Variants in IFIH1 observed in about 807,000 individuals in gnomAD.
IFIH1 encodes the protein interferon-induced helicase C domain-containing protein 1.
IFIH1 carries 125 observed loss-of-function variants against 107.4 expected under a neutral mutation model. The ratio of observed to expected loss-of-function variants is 1.16; its 90% CI spans 1.01 to 1.35. The LOEUF (loss-of-function observed/expected upper bound fraction) is 1.35. IFIH1 is among the 40% of genes most tolerant of loss of function. The probability of loss-of-function intolerance (pLI) is 0.00; values close to 1 mark genes in which losing one functional copy is unlikely to be tolerated. For synonymous variants in IFIH1, 458 were observed against 413.2 expected (o/e 1.11, Z -1.31); for missense variants, 1,333 against 1,213.7 (o/e 1.10, Z -1.46).
Position 162,276,768 on chromosome 2 carries a change from A to T in IFIH1, c.2223T>A (p.Asn741Lys), listed in dbSNP as rs373758432. 1.1e-5 allele frequency: 18 copies of T among 1,613,738 alleles called. No homozygotes were observed. Among genetic ancestry groups the T allele is most frequent in the Non-Finnish European group, 1.4e-5 (17 of 1,179,884 alleles). Reference sequence around the variant, plus strand: ...TGACTCCTACTTCAGCAAATTTTTCATTTTCAGTAATCCACTGGGAAAGCG... The same window carrying T: ...TGACTCCTACTTCAGCAAATTTTTCTTTTTCAGTAATCCACTGGGAAAGCG... ...AYALSQWITE[N>K]EKFAEVGVKA... The change falls in exon 11 of 16, where the codon AAT (asparagine) becomes AAA (lysine). Residue 741 changes from asparagine to lysine, a missense_variant. Coordinates refer to ENST00000649979, the MANE Select transcript of IFIH1 (RefSeq NM_022168.4).
chr2:162,296,204 G>A (rs1558871955), intron 3 of IFIH1, among the ~76,000 whole-genome samples: 1 of 152,008 alleles, frequency 6.6e-6, no homozygotes, highest in South Asian at 2.1e-4. Flanking sequence ...TCTAACATCC[G>A]TAAGTTTTGG....
At chr2:162,275,348 G>A (rs1223065474) in intron 11 of IFIH1, among the ~76,000 whole-genome samples, 2 of 152,114 alleles carry the variant, frequency 1.3e-5, no homozygotes, top group Non-Finnish European at 2.9e-5. Context: ...CAACGCTAAA[G>A]TTAATATAAT....
chr2:162,281,265 CA>C (rs1370690401), intron 7 of IFIH1, 62 bp downstream of exon 7: 2 of 1,285,994 alleles, frequency 1.6e-6, no homozygotes, highest in Non-Finnish European at 1.1e-6. Context: ...TTAATAAGAC[CA>C]AGAAGTCCTG....
At chr2:162,291,567 A>G (rs1249985056) in intron 4 of IFIH1, among the ~76,000 whole-genome samples, 1 of 151,770 alleles carries the variant, frequency 6.6e-6, no homozygotes, top group Non-Finnish European at 1.5e-5. Context: ...CATGTCTACT[A>G]TGGCATAACA....
In IFIH1 at chr2:162,273,547, C is replaced by T. The variant is rs13422273; in HGVS notation, c.2454+248G>A. 7.1e-3 allele frequency among the ~76,000 whole-genome samples: 1,087 copies of T among 152,138 alleles called. 6 individuals are homozygous for T. Among genetic ancestry groups the T allele is most frequent in the Admixed American group, 0.013 (191 of 15,264 alleles). On this transcript the variant is annotated intron_variant, in intron 12 of 15. Coordinates refer to ENST00000649979, the MANE Select transcript of IFIH1 (RefSeq NM_022168.4). ...GGCTAGTGTCATGGTCCTGGAAAGC[C>T]TTAGGGTACAGAAATAGCTAAAGAG...
Position 162,278,206 on chromosome 2 carries a change from T to A in IFIH1, c.1764A>T (p.Lys588Asn). 6.3e-7 allele frequency: 1 copy of A among 1,591,380 alleles called. No individual in the cohort carries two copies. The highest frequency in any genetic ancestry group is 8.6e-7 in the Non-Finnish European group (1 of 1,169,498). ...GTGTTAGGTCCAAACCTAAATTACCTTTTTTTTCCATTTGAATGGCCCATT... is the reference window on the plus strand; with the variant it reads ...GTGTTAGGTCCAAACCTAAATTACCATTTTTTTCCATTTGAATGGCCCATT... ...YEQWAIQMEK[K>N]AAKEGNRKER... The change falls in exon 9 of 16, where the codon AAA becomes AAT. Residue 588 changes from lysine (K) to asparagine (N), a missense_variant and splice_region_variant. Transcript: ENST00000649979.
At position 162,277,663 on chromosome 2, in the gene IFIH1, A is replaced by C. The variant is rs1055824554; in HGVS notation, c.1796T>G (p.Val599Gly). The part of the protein sequence containing the change: ...AAKEGNRKER[V>G]CAEHLRKYNE... ...GTACTTCCTCAAATGTTCTGCACAA[A>C]CACGTTCTTTGCGATTTCCTTCTTT... Residue 599 changes from valine to glycine, a missense_variant, in exon 10 of 16, where the codon GTT becomes GGT. Coordinates refer to ENST00000649979, the MANE Select transcript of IFIH1 (RefSeq NM_022168.4). The C allele has an allele frequency of 6.2e-7, 1 of 1,606,980 alleles. No homozygotes were observed. Among genetic ancestry groups the C allele is most frequent in the Admixed American group, 1.7e-5 (1 of 58,700 alleles).
At chr2:162,309,904 A>C (rs1683360822) in intron 2 of IFIH1, among the ~76,000 whole-genome samples, 1 of 152,146 alleles carries the variant, frequency 6.6e-6, no homozygotes. Flanking sequence ...GTTTTATCCC[A>C]TTTTATAACA....
intron 3 of IFIH1, 75 bp from the exon 4 acceptor site, chr2:162,293,743 A>G: frequency 1.2e-6 from 1 of 868,358 alleles, no homozygotes; most frequent in Non-Finnish European, 1.9e-6. Flanking sequence ...ACACCTCTAC[A>G]GCACACAGTA....
intron 1 of IFIH1, among the ~76,000 whole-genome samples, chr2:162,315,664 C>T (rs973572010): frequency 1.3e-5 from 2 of 152,136 alleles, no homozygotes; most frequent in South Asian, 2.1e-4. Flanking sequence ...CCCAAAGTAA[C>T]GCATATAGTA....
At chr2:162,307,809 A>G (rs996982205) in intron 2 of IFIH1, among the ~76,000 whole-genome samples, 5 of 152,212 alleles carry the variant, frequency 3.3e-5, no homozygotes, top group Non-Finnish European at 7.3e-5. Context: ...TATTAAGTAC[A>G]TTAGGGACTA....
At chr2:162,304,167 G>A (rs778942726) in intron 3 of IFIH1, among the ~76,000 whole-genome samples, 3 of 152,026 alleles carry the variant, frequency 2.0e-5, no homozygotes, top group East Asian at 1.9e-4. Flanking sequence ...AGGTGGAATC[G>A]CATTACATTA....
intron 5 of IFIH1, among the ~76,000 whole-genome samples, chr2:162,284,966 A>G (rs1293888925): frequency 6.6e-6 from 1 of 152,002 alleles, no homozygotes; most frequent in African/African-American, 2.4e-5. Context: ...GTACAGAACA[A>G]AAAGAAGTTG....
intron 1 of IFIH1, among the ~76,000 whole-genome samples, chr2:162,314,654 A>AT (rs1242212254): frequency 1.3e-5 from 2 of 151,108 alleles, no homozygotes; most frequent in Admixed American, 6.6e-5. Context: ...CACCCAGCTA[A>AT]TTTTTTTGTA....
chr2:162,302,095 G>A (rs1683203309), intron 3 of IFIH1, among the ~76,000 whole-genome samples: 1 of 152,108 alleles, frequency 6.6e-6, no homozygotes, highest in Admixed American at 6.6e-5. Context: ...ATCCACTAGA[G>A]AACTCTGATA....
chr2:162,284,134 A>G (rs991533008), intron 5 of IFIH1, among the ~76,000 whole-genome samples: 13 of 151,938 alleles, frequency 8.6e-5, no homozygotes, highest in Non-Finnish European at 1.6e-4. Context: ...CACTTTAATG[A>G]CATTTAAGCC....
At position 162,281,511 on chromosome 2, in the gene IFIH1, G is replaced by A; in HGVS notation, c.1341C>T (p.His447=). The A allele has an allele frequency of 6.2e-7, 1 of 1,611,170 alleles. No individual in the cohort carries two copies. Among genetic ancestry groups the A allele is most frequent in the Non-Finnish European group, 8.5e-7 (1 of 1,178,122 alleles). The change falls in exon 7 of 16, where the codon CAC becomes CAT. Residue 447 remains histidine, a synonymous_variant. Coordinates refer to ENST00000649979, the MANE Select transcript of IFIH1 (RefSeq NM_022168.4). ...TATTATACACTGCTTCTTTGTTGGTGTGATGACATTCATCAATGATAATGA... is the reference window on the plus strand; with the variant it reads ...TATTATACACTGCTTCTTTGTTGGTATGATGACATTCATCAATGATAATGA... The part of the protein sequence containing the change: ...FSLIIIDECH[H]TNKEAVYNNI...
intron 7 of IFIH1, 39 bp downstream of exon 7, chr2:162,281,289 G>A (rs1682802444): frequency 2.0e-6 from 3 of 1,511,288 alleles, no homozygotes; most frequent in African/African-American, 1.4e-5. Flanking sequence ...ATTTGTTTTA[G>A]CTTTGCTTTC....
intron 2 of IFIH1, 163 bp from the exon 3 acceptor site, chr2:162,307,018 TG>T: frequency 5.2e-6 from 3 of 573,768 alleles, no homozygotes; most frequent in Non-Finnish European, 9.1e-6. Flanking sequence ...TAAATTGTAT[TG>T]CAATGCAAGA....
Sources: allele counts gnomAD v4.1 joint callset (sites outside exome capture counted in the v4.1 genomes callset), GRCh38; gene constraint gnomAD v4.1.1; transcripts MANE v1.5; gene names NCBI Gene and HGNC (gene_info 2026-07-23, HGNC 2026-07-21).